The following C7orf78 variants were observed in gnomAD, a reference collection of about 807,000 sequenced individuals.
C7orf78 encodes putative uncharacterized protein C7orf78.
chr7:12,525,793 A>G, the C7orf78 span: 3 of 396,408 alleles, frequency 7.6e-6, no homozygotes, highest in Non-Finnish European at 1.3e-5. Context: ...TATTAATAAT[A>G]TTGCAATCTT....
the C7orf78 span, among the ~76,000 whole-genome samples, chr7:12,499,586 C>T: frequency 7.4e-5 from 11 of 149,540 alleles, no homozygotes; most frequent in Admixed American, 7.4e-4. Flanking sequence ...AAAGCAAGTC[C>T]TGAGTGACCT....
At chr7:12,524,138 C>T in the C7orf78 span, among the ~76,000 whole-genome samples, 13 of 152,214 alleles carry the variant, frequency 8.5e-5, no homozygotes, top group East Asian at 2.3e-3. Flanking sequence ...AGCATGGCTT[C>T]TAAGATCAGA....
the C7orf78 span, among the ~76,000 whole-genome samples, chr7:12,495,694 C>A: frequency 6.6e-6 from 1 of 152,206 alleles, no homozygotes; most frequent in East Asian, 1.9e-4. Flanking sequence ...GCCTATTTTA[C>A]TTCTTTTTTA....
chr7:12,523,852 G>A, the C7orf78 span, among the ~76,000 whole-genome samples: 1 of 152,074 alleles, frequency 6.6e-6, no homozygotes, highest in Non-Finnish European at 1.5e-5. Context: ...TGAATCTTTT[G>A]GATGATTAAT....
the C7orf78 span, among the ~76,000 whole-genome samples, chr7:12,536,995 C>T: frequency 6.6e-6 from 1 of 152,266 alleles, no homozygotes; most frequent in Non-Finnish European, 1.5e-5. Flanking sequence ...GCACATTTTC[C>T]TCTCTTCTTC....
the C7orf78 span, among the ~76,000 whole-genome samples, chr7:12,518,375 G>A: frequency 6.6e-6 from 1 of 152,156 alleles, no homozygotes; most frequent in Non-Finnish European, 1.5e-5. Flanking sequence ...GCTGGTAATG[G>A]CAGTGGTGAG....
At chr7:12,534,380 TGAAAA>T in the C7orf78 span, among the ~76,000 whole-genome samples, 1 of 152,180 alleles carries the variant, frequency 6.6e-6, no homozygotes, top group Non-Finnish European at 1.5e-5. Context: ...GACCTAAATG[TGAAAA>T]GAAAACAATA....
the C7orf78 span, among the ~76,000 whole-genome samples, chr7:12,516,910 C>T: frequency 4.6e-5 from 7 of 152,030 alleles, no homozygotes; most frequent in South Asian, 2.1e-4. Flanking sequence ...GGCTCATAGG[C>T]GGAAGGGAGT....
chr7:12,518,760 A>G, the C7orf78 span, among the ~76,000 whole-genome samples: 1 of 152,066 alleles, frequency 6.6e-6, no homozygotes, highest in Non-Finnish European at 1.5e-5. Flanking sequence ...TGTAGTAGGC[A>G]GGTTGAGACA....
the C7orf78 span, among the ~76,000 whole-genome samples, chr7:12,540,043 C>G: frequency 3.7e-4 from 56 of 152,256 alleles, no homozygotes; most frequent in African/African-American, 1.3e-3. Context: ...AAAGAACAGT[C>G]TATGGGATTA....
chr7:12,515,959 A>T, the C7orf78 span, among the ~76,000 whole-genome samples: 5 of 152,316 alleles, frequency 3.3e-5, no homozygotes, highest in African/African-American at 9.6e-5. Context: ...CAGCCTGACA[A>T]TGTGATAGAA....
the C7orf78 span, chr7:12,523,033 T>C: frequency 2.5e-6 from 1 of 398,196 alleles, no homozygotes; most frequent in Non-Finnish European, 4.4e-6. Context: ...GCACAAGAGA[T>C]AGGGATATTG....
chr7:12,526,959 T>A, the C7orf78 span, among the ~76,000 whole-genome samples: 120 of 103,322 alleles, frequency 1.2e-3, no homozygotes, highest in Admixed American at 1.8e-3. Context: ...GTATATGCTA[T>A]GTGTCACTCA....
At chr7:12,536,117 T>G in the C7orf78 span, among the ~76,000 whole-genome samples, 2 of 152,308 alleles carry the variant, frequency 1.3e-5, no homozygotes, top group East Asian at 3.9e-4. Context: ...GGACTCTGTG[T>G]GGGGGCTCCC....
the C7orf78 span, among the ~76,000 whole-genome samples, chr7:12,540,461 A>G: frequency 6.6e-6 from 1 of 152,304 alleles, no homozygotes; most frequent in South Asian, 2.1e-4. Context: ...GCATAACCTC[A>G]CTCAATTGTC....
At chr7:12,513,353 G>A in the C7orf78 span, among the ~76,000 whole-genome samples, 1 of 151,802 alleles carries the variant, frequency 6.6e-6, no homozygotes, top group African/African-American at 2.4e-5. Context: ...TGTCGTTGCT[G>A]CTGTTGTTGC....
At chr7:12,528,860 A>T in the C7orf78 span, 1 of 398,064 alleles carries the variant, frequency 2.5e-6, no homozygotes, top group East Asian at 3.6e-5. Context: ...GAACAAAGAC[A>T]CGTGCCATTG....
the C7orf78 span, among the ~76,000 whole-genome samples, chr7:12,521,258 A>T: frequency 6.6e-6 from 1 of 151,846 alleles, no homozygotes; most frequent in Non-Finnish European, 1.5e-5. Flanking sequence ...GATTTTGTTA[A>T]TTGTTTTCTG....
chr7:12,535,401 A>T, the C7orf78 span, among the ~76,000 whole-genome samples: 1 of 152,130 alleles, frequency 6.6e-6, no homozygotes, highest in Non-Finnish European at 1.5e-5. Flanking sequence ...ATCTCATGAG[A>T]CCCATTCACT....
Sources: gnomAD v4.1 joint callset for allele counts (sites outside exome capture counted in the v4.1 genomes callset) on GRCh38, gnomAD v4.1.1 for gene constraint, MANE v1.5 for transcripts, NCBI Gene and HGNC (gene_info 2026-07-23, HGNC 2026-07-21) for gene names.